NFX1: variants seen among roughly 807,000 people sequenced by gnomAD.
NFX1 encodes transcriptional repressor NF-X1.
In NFX1, 69 loss-of-function variants were observed where a neutral mutation model predicts 137.2. That is an observed-to-expected ratio of 0.50 (90% confidence interval 0.41 to 0.61). The LOEUF (loss-of-function observed/expected upper bound fraction) is 0.61, where lower values mean the gene tolerates loss of function less well. Among genes scored for constraint, NFX1 ranks in the 20% least tolerant of loss-of-function variants. The pLI is 0.00. For synonymous variants in NFX1, 495 were observed against 474.1 expected, an observed-to-expected ratio of 1.04 and a Z score of -0.57; for missense variants, 1,167 against 1,391.0, an observed-to-expected ratio of 0.84 and a Z score of 2.56.
intron 2 of NFX1, among the ~76,000 whole-genome samples, chr9:33,296,980 A>G (rs935327271): frequency 7.2e-5 from 11 of 152,172 alleles, no homozygotes; most frequent in African/African-American, 2.7e-4. Context: ...CTCTTGAAAC[A>G]TAGTAGGTAC....
intron 11 of NFX1, among the ~76,000 whole-genome samples, chr9:33,335,322 C>G (rs781197229): frequency 1.3e-5 from 2 of 151,166 alleles, no homozygotes; most frequent in Non-Finnish European, 2.9e-5. Context: ...CCTCCACCTC[C>G]TGGGCTCAAG....
At chr9:33,305,517 C>T (rs1035593751) in intron 4 of NFX1, among the ~76,000 whole-genome samples, 2 of 152,180 alleles carry the variant, frequency 1.3e-5, no homozygotes, top group African/African-American at 2.4e-5. Context: ...ATTTGGAAGG[C>T]TGTGGGAAGC....
At chr9:33,332,361 C>G (rs1423852994) in intron 10 of NFX1, 111 bp from the exon 11 acceptor site, 1 of 1,030,218 alleles carries the variant, frequency 9.7e-7, no homozygotes, top group Non-Finnish European at 1.4e-6. Context: ...AAGTGACTAT[C>G]AGAGAAGTAT....
chr9:33,348,879 CA>C (rs11381680), intron 15 of NFX1, among the ~76,000 whole-genome samples: 74 of 144,476 alleles, frequency 5.1e-4, no homozygotes, highest in Middle Eastern at 3.5e-3. Context: ...TGTCCTATAC[CA>C]AAAAAAAAAA....
At chr9:33,347,215 C>G in intron 15 of NFX1, 98 bp downstream of exon 15, 1 of 907,806 alleles carries the variant, frequency 1.1e-6, no homozygotes, top group South Asian at 1.6e-5. Flanking sequence ...AGTAAATACA[C>G]TCAGAAGTAG....
intron 10 of NFX1, among the ~76,000 whole-genome samples, 187 bp from the exon 11 acceptor site, chr9:33,332,285 T>G (rs1267870164): frequency 1.3e-5 from 2 of 152,216 alleles, no homozygotes; most frequent in Non-Finnish European, 2.9e-5. Context: ...GGAGTCCTCT[T>G]GTGAGTAAAG....
chr9:33,368,560 T>G (rs985792974), intron 23 of NFX1, among the ~76,000 whole-genome samples: 1 of 152,126 alleles, frequency 6.6e-6, no homozygotes, highest in African/African-American at 2.4e-5. Context: ...CCCAGTTGTT[T>G]GTCACTTGTC....
intron 19 of NFX1, among the ~76,000 whole-genome samples, chr9:33,357,710 T>C (rs910624390): frequency 3.3e-5 from 5 of 151,038 alleles, no homozygotes; most frequent in Admixed American, 6.6e-5. Context: ...ATTTTCTTTT[T>C]TTTTTTTTTT....
intron 10 of NFX1, among the ~76,000 whole-genome samples, chr9:33,330,928 C>T (rs929707835): frequency 1.1e-4 from 17 of 152,136 alleles, no homozygotes; most frequent in Non-Finnish European, 2.2e-4. Context: ...CCTGTAATCC[C>T]AGCACTTTGG....
chr9:33,310,348 A>G (rs1053404403), intron 5 of NFX1, among the ~76,000 whole-genome samples: 15 of 152,166 alleles, frequency 9.9e-5, no homozygotes, highest in African/African-American at 3.4e-4. Flanking sequence ...AGTTCCCAAA[A>G]TGTTTTAAGT....
intron 5 of NFX1, among the ~76,000 whole-genome samples, chr9:33,309,576 T>C (rs536921183): frequency 1.3e-5 from 2 of 152,310 alleles, no homozygotes; most frequent in South Asian, 4.1e-4. Flanking sequence ...CATTCCCCAG[T>C]AGCACTTTTC....
At position 33,364,005 on chromosome 9, in the gene NFX1, T is replaced by C. The variant is rs1824094508; in HGVS notation, c.2874-5T>C. ...TTTATTTGCATACCTCTCTCTCTCT[T>C]TCAGGAGATTAGCAGAGGCATTTCA... On this transcript the variant is annotated splice_region_variant and splice_polypyrimidine_tract_variant and intron_variant, in intron 19 of 23. Transcript: ENST00000379540. 2 of 1,566,948 alleles carry C rather than the reference T, an allele frequency of 1.3e-6. No homozygotes were observed.
intron 15 of NFX1, 106 bp from the exon 16 acceptor site, chr9:33,351,450 CAAAA>C: frequency 9.1e-7 from 1 of 1,096,402 alleles, no homozygotes. Context: ...TATCCGAAAA[CAAAA>C]CAAAACCAAA....
rs1821741525 is a variant in NFX1, at chr9:33,306,021, GGACAAAAGGTA to G, written c.1271-1170_1271-1160del. The stretch of plus-strand genomic sequence containing the variant: ...ACCCCAAAACATCATTTGGAGTCAG[GGACAAAAGGTA>G]GAGCTCTTGAGAGATGTTAGAGGAA... On this transcript the variant is annotated intron_variant, in intron 4 of 23. Transcript: ENST00000379540. Among the ~76,000 whole-genome samples the G allele has an allele frequency of 1.2e-4, 18 of 152,292 alleles. No individual in the cohort carries two copies. In the South Asian group the frequency reaches 3.7e-3, roughly 32 times the overall value.
chr9:33,358,846 A>G (rs1387891467), intron 19 of NFX1, among the ~76,000 whole-genome samples: 1 of 150,664 alleles, frequency 6.6e-6, no homozygotes, highest in Non-Finnish European at 1.5e-5. Flanking sequence ...ATTTTTTTGT[A>G]CCACACCCAG....
At chr9:33,345,186 GAA>G (rs1259928319) in intron 14 of NFX1, among the ~76,000 whole-genome samples, 1 of 97,306 alleles carries the variant, frequency 1.0e-5, no homozygotes, top group African/African-American at 3.0e-5. Flanking sequence ...AAAAGAAAAA[GAA>G]AAAAAAGGCC....
chr9:33,368,426 A>G (rs1824233093), intron 23 of NFX1, among the ~76,000 whole-genome samples: 1 of 152,204 alleles, frequency 6.6e-6, no homozygotes, highest in African/African-American at 2.4e-5. Context: ...AGTCTGCCAG[A>G]TGTTTTCTCA....
intron 2 of NFX1, among the ~76,000 whole-genome samples, chr9:33,296,654 G>A (rs1270780690): frequency 6.6e-6 from 1 of 152,258 alleles, no homozygotes; most frequent in African/African-American, 2.4e-5. Flanking sequence ...AGGATCACTT[G>A]AGCCCAGGAG....
chr9:33,300,309 C>A (rs1034082508), intron 2 of NFX1, among the ~76,000 whole-genome samples: 1 of 151,872 alleles, frequency 6.6e-6, no homozygotes, highest in Non-Finnish European at 1.5e-5. Context: ...ATGATCTGCC[C>A]GCCTTGGCCT....
Sources: allele counts gnomAD v4.1 joint callset (sites outside exome capture counted in the v4.1 genomes callset), GRCh38; gene constraint gnomAD v4.1.1; transcripts MANE v1.5; gene names NCBI Gene and HGNC (gene_info 2026-07-23, HGNC 2026-07-21).